Variants in LEPR observed in about 807,000 individuals in gnomAD.
The protein encoded by LEPR is leptin receptor, also known as OB receptor.
LEPR carries 56 observed loss-of-function variants against 114.7 expected under a neutral mutation model. The observed-to-expected ratio is 0.49, with a 90% CI of 0.39 to 0.61. The LOEUF is 0.61. LEPR is among the 20% of genes least tolerant of loss of function. LEPR has a pLI of 0.00. For missense variants in LEPR, 1,202 were observed against 1,352.9 expected (o/e 0.89, Z 1.75); for synonymous variants, 443 against 461.4 (o/e 0.96, Z 0.51).
chr1:65,455,114 GC>G (rs1325510478), intron 2 of LEPR, among the ~76,000 whole-genome samples: 4 of 152,156 alleles, frequency 2.6e-5, no homozygotes, highest in African/African-American at 9.7e-5. Flanking sequence ...TAGTTCTCAA[GC>G]CTTGGTTTTC....
chr1:65,609,040 T>C (rs1334746133), intron 12 of LEPR, 139 bp downstream of exon 12: 13 of 1,167,422 alleles, frequency 1.1e-5, no homozygotes, highest in Admixed American at 2.6e-5. Context: ...TTAAATAGAT[T>C]TATCTAAGTC....
chr1:65,574,448 TA>T (rs567174516), intron 5 of LEPR, among the ~76,000 whole-genome samples: 4 of 152,192 alleles, frequency 2.6e-5, no homozygotes, highest in South Asian at 2.1e-4. Context: ...AATAAAAAAT[TA>T]GGGGGGGTGG....
chr1:65,444,387 A>G (rs1167301435), intron 2 of LEPR, among the ~76,000 whole-genome samples: 1 of 151,800 alleles, frequency 6.6e-6, no homozygotes, highest in Non-Finnish European at 1.5e-5. Context: ...TTAGGACCCT[A>G]TTTCTTTCTG....
intron 2 of LEPR, among the ~76,000 whole-genome samples, chr1:65,440,445 AAAAG>A (rs950949493): frequency 2.6e-5 from 4 of 152,140 alleles, no homozygotes; most frequent in African/African-American, 4.8e-5. Flanking sequence ...CTAAGGCAAA[AAAAG>A]GAAGAAAGGG....
At chr1:65,615,172 T>TC (rs942502060) in intron 14 of LEPR, among the ~76,000 whole-genome samples, 8 of 152,216 alleles carry the variant, frequency 5.3e-5, no homozygotes, top group Non-Finnish European at 8.8e-5. Flanking sequence ...CTCTGCCATT[T>TC]CTAACTTAGA....
intron 6 of LEPR, among the ~76,000 whole-genome samples, chr1:65,595,499 A>G (rs925295758): frequency 6.6e-6 from 1 of 151,212 alleles, no homozygotes; most frequent in Non-Finnish European, 1.5e-5. Context: ...TGCTGTTTCC[A>G]GACTTTTGTG....
chr1:65,449,137 A>G (rs1570467538), intron 2 of LEPR, among the ~76,000 whole-genome samples: 1 of 152,020 alleles, frequency 6.6e-6, no homozygotes, highest in Admixed American at 6.6e-5. Context: ...CTAGCGATCC[A>G]CCTGCCTTGG....
At chr1:65,615,025 G>GTT (rs150117458) in intron 14 of LEPR, among the ~76,000 whole-genome samples, 12 of 150,848 alleles carry the variant, frequency 8.0e-5, no homozygotes, top group Non-Finnish European at 1.6e-4. Flanking sequence ...AAACTGACAT[G>GTT]TTTTTTTTTC....
intron 2 of LEPR, chr1:65,430,022 C>G: frequency 6.4e-7 from 1 of 1,562,438 alleles, no homozygotes; most frequent in Non-Finnish European, 8.8e-7. Context: ...CTTTGGATTT[C>G]CTGTTATTCT....
intron 2 of LEPR, among the ~76,000 whole-genome samples, chr1:65,523,053 G>A (rs1025799550): frequency 1.3e-5 from 2 of 152,108 alleles, no homozygotes; most frequent in Non-Finnish European, 2.9e-5. Context: ...GAGATTCAAA[G>A]GTGTCTCCTA....
chr1:65,483,285 C>T (rs1305543660), intron 2 of LEPR, among the ~76,000 whole-genome samples: 1 of 151,816 alleles, frequency 6.6e-6, no homozygotes, highest in East Asian at 1.9e-4. Flanking sequence ...AAGACAATAC[C>T]ATGGACATGT....
intron 8 of LEPR, among the ~76,000 whole-genome samples, chr1:65,599,887 T>C (rs2100927711): frequency 6.6e-6 from 1 of 152,262 alleles, no homozygotes; most frequent in Non-Finnish European, 1.5e-5. Context: ...TCATATCAAT[T>C]TCAATAAATT....
At chr1:65,573,418 A>T (rs914714410) in intron 5 of LEPR, among the ~76,000 whole-genome samples, 5 of 152,136 alleles carry the variant, frequency 3.3e-5, no homozygotes. Context: ...TTTTCAGATG[A>T]TTTTTCGTAT....
intron 2 of LEPR, among the ~76,000 whole-genome samples, chr1:65,533,668 C>T (rs931805151): frequency 6.6e-6 from 1 of 151,988 alleles, no homozygotes; most frequent in East Asian, 1.9e-4. Context: ...ACTTCTTTAT[C>T]TGTGTGAAAT....
At chr1:65,446,920 C>T (rs775595879) in intron 2 of LEPR, among the ~76,000 whole-genome samples, 3 of 152,092 alleles carry the variant, frequency 2.0e-5, no homozygotes, top group Non-Finnish European at 4.4e-5. Context: ...CAGCCTCAAC[C>T]TTCAGGGCTC....
intron 2 of LEPR, among the ~76,000 whole-genome samples, chr1:65,445,169 A>G (rs1012343191): frequency 2.0e-5 from 3 of 152,162 alleles, no homozygotes; most frequent in Non-Finnish European, 4.4e-5. Context: ...TACCTTATCT[A>G]TGGCTGAAAA....
intron 2 of LEPR, among the ~76,000 whole-genome samples, chr1:65,486,870 G>A (rs911620673): frequency 6.6e-5 from 10 of 152,114 alleles, no homozygotes; most frequent in African/African-American, 2.4e-4. Context: ...TTCCATGATG[G>A]TCAGCTGTTC....
intron 2 of LEPR, among the ~76,000 whole-genome samples, chr1:65,543,019 T>A (rs12087382): frequency 0.29 from 44,273 of 151,616 alleles, 6,817 homozygotes; most frequent in Non-Finnish European, 0.32. Context: ...TGGTTCTAGA[T>A]CCCTGAAGAA....
intron 19 of LEPR, chr1:65,623,214 G>A: frequency 2.0e-6 from 1 of 490,154 alleles, no homozygotes; most frequent in Non-Finnish European, 3.6e-6. Context: ...ATATACATAT[G>A]TTGCTTCTGT....
Sources: allele counts gnomAD v4.1 joint callset (sites outside exome capture counted in the v4.1 genomes callset), GRCh38; gene constraint gnomAD v4.1.1; transcripts MANE v1.5; gene names NCBI Gene and HGNC (gene_info 2026-07-23, HGNC 2026-07-21).